Variants in B3GALT1 observed in about 807,000 individuals in gnomAD.
B3GALT1 encodes the protein beta-1,3-galactosyltransferase 1.
A neutral mutation model predicts 23.2 loss-of-function variants in B3GALT1; 10 were observed. That is an observed-to-expected ratio of 0.43 (90% CI 0.27 to 0.73). B3GALT1 has a LOEUF of 0.73. Among genes scored for constraint, B3GALT1 ranks in the 30% least tolerant of loss-of-function variants. B3GALT1 has a pLI of 0.21. For synonymous variants in B3GALT1, 156 were observed against 141.5 expected, an observed-to-expected ratio of 1.10 and a Z score of -0.73; for missense variants, 299 against 405.4, an observed-to-expected ratio of 0.74 and a Z score of 2.25.
chr2:167,379,940 G>GC (rs1202044358), intron 1 of B3GALT1, among the ~76,000 whole-genome samples: 1 of 152,198 alleles, frequency 6.6e-6, no homozygotes, highest in South Asian at 2.1e-4. Flanking sequence ...AGAGGAGAGG[G>GC]CCCCCCTGTA....
chr2:167,361,172 G>A (rs1697493775), intron 1 of B3GALT1, among the ~76,000 whole-genome samples: 1 of 149,562 alleles, frequency 6.7e-6, no homozygotes, highest in Non-Finnish European at 1.5e-5. Context: ...GTAAACATGT[G>A]AGTTCAGATA....
chr2:167,666,198 TC>T (rs1267047171), intron 3 of B3GALT1, among the ~76,000 whole-genome samples: 1 of 152,264 alleles, frequency 6.6e-6, no homozygotes, highest in African/African-American at 2.4e-5. Flanking sequence ...TGCCTTCATT[TC>T]ATTATGTACC....
intron 3 of B3GALT1, among the ~76,000 whole-genome samples, chr2:167,789,494 T>G (rs1228518992): frequency 6.6e-6 from 1 of 152,164 alleles, no homozygotes; most frequent in Non-Finnish European, 1.5e-5. Flanking sequence ...TTTGGCACAC[T>G]CTATGGTTCA....
intron 2 of B3GALT1, among the ~76,000 whole-genome samples, chr2:167,573,699 T>G (rs1299723722): frequency 6.6e-6 from 1 of 151,728 alleles, no homozygotes; most frequent in Non-Finnish European, 1.5e-5. Context: ...TGTACTTAAT[T>G]TTTCACTTAA....
intron 3 of B3GALT1, among the ~76,000 whole-genome samples, chr2:167,774,666 T>A (rs1266374899): frequency 6.6e-6 from 1 of 151,834 alleles, no homozygotes; most frequent in Non-Finnish European, 1.5e-5. Context: ...CCTGGCTAAT[T>A]TTTGTATTTT....
At position 167,532,698 on chromosome 2, in the gene B3GALT1, C is replaced by T. The variant is rs142350174; in HGVS notation, c.-410+42421C>T. 1.0e-3 allele frequency among the ~76,000 whole-genome samples: 156 copies of T among 151,758 alleles called. 2 individuals are homozygous for T. Among genetic ancestry groups the T allele is most frequent in the African/African-American group, 3.6e-3 (150 of 41,350 alleles). ...GTTGAGTGCTTATTTTTAAAGAAAA[C>T]AATGCAACATTTCATTTTTAGGTTT... On this transcript the variant is annotated intron_variant, in intron 2 of 4. Coordinates refer to ENST00000392690, the MANE Select transcript of B3GALT1 (RefSeq NM_020981.4).
At chr2:167,595,623 C>T (rs1209862061) in intron 2 of B3GALT1, among the ~76,000 whole-genome samples, 1 of 152,188 alleles carries the variant, frequency 6.6e-6, no homozygotes, top group East Asian at 1.9e-4. Context: ...TGCCCAATGT[C>T]TTTCACAGAT....
intron 3 of B3GALT1, among the ~76,000 whole-genome samples, chr2:167,804,671 G>C (rs1688712012): frequency 6.6e-6 from 1 of 152,092 alleles, no homozygotes; most frequent in East Asian, 1.9e-4. Context: ...CATTTTTATG[G>C]CTGCATACTA....
intron 3 of B3GALT1, among the ~76,000 whole-genome samples, chr2:167,737,891 G>A (rs1322962731): frequency 6.6e-6 from 1 of 152,154 alleles, no homozygotes; most frequent in Non-Finnish European, 1.5e-5. Context: ...AAAACACTTG[G>A]TGGGAATTTT....
intron 2 of B3GALT1, among the ~76,000 whole-genome samples, chr2:167,575,566 T>A (rs1437745149): frequency 2.0e-5 from 3 of 151,976 alleles, no homozygotes; most frequent in South Asian, 4.1e-4. Flanking sequence ...GTGGATCAAC[T>A]AGCTTTGCTT....
chr2:167,328,062 T>C (rs1169106032), intron 1 of B3GALT1, among the ~76,000 whole-genome samples: 1 of 152,196 alleles, frequency 6.6e-6, no homozygotes, highest in East Asian at 1.9e-4. Context: ...GCCTCCCTGG[T>C]ATAAATCCCA....
At chr2:167,676,239 C>A (rs1329314125) in intron 3 of B3GALT1, among the ~76,000 whole-genome samples, 1 of 152,074 alleles carries the variant, frequency 6.6e-6, no homozygotes, top group Non-Finnish European at 1.5e-5. Context: ...GTGCAACATG[C>A]AAACTCATAA....
intron 2 of B3GALT1, among the ~76,000 whole-genome samples, chr2:167,523,517 C>T (rs1683157514): frequency 1.3e-5 from 2 of 151,938 alleles, no homozygotes; most frequent in East Asian, 1.9e-4. Context: ...CTTCCGCGTC[C>T]CACGTTGAAG....
intron 2 of B3GALT1, among the ~76,000 whole-genome samples, chr2:167,578,614 C>T (rs897997569): frequency 6.6e-6 from 1 of 151,372 alleles, no homozygotes; most frequent in Non-Finnish European, 1.5e-5. Flanking sequence ...TCATCAGAGA[C>T]CAAAGCAACC....
intron 2 of B3GALT1, among the ~76,000 whole-genome samples, chr2:167,609,788 G>T (rs934426721): frequency 6.6e-5 from 10 of 152,072 alleles, no homozygotes; most frequent in African/African-American, 1.9e-4. Context: ...TTGAATTTTT[G>T]CTTCCACATG....
Position 167,612,291 on chromosome 2 carries a change from T to C in B3GALT1, c.-409-34618T>C, listed in dbSNP as rs370742380. Among the ~76,000 whole-genome samples the C allele has an allele frequency of 2.5e-4, 38 of 152,030 alleles. No homozygotes were observed. In the South Asian group the frequency reaches 3.1e-3, roughly 12 times the overall value. On this transcript the variant is annotated intron_variant, in intron 2 of 4. Coordinates refer to ENST00000392690, the MANE Select transcript of B3GALT1 (RefSeq NM_020981.4). Reference sequence around the variant, plus strand: ...CTCTCTTGTGATAGTATGTTTGCAGTAAATGAGACATTAACCTTTTTAAAT... The same window carrying C: ...CTCTCTTGTGATAGTATGTTTGCAGCAAATGAGACATTAACCTTTTTAAAT...
chr2:167,676,550 C>T (rs956901841), intron 3 of B3GALT1, among the ~76,000 whole-genome samples: 1 of 137,626 alleles, frequency 7.3e-6, no homozygotes, highest in African/African-American at 3.4e-5. Context: ...CACACACACA[C>T]ACACATATAT....
intron 3 of B3GALT1, among the ~76,000 whole-genome samples, chr2:167,683,654 G>A (rs761092283): frequency 4.6e-5 from 7 of 152,088 alleles, no homozygotes; most frequent in African/African-American, 1.4e-4. Flanking sequence ...CTGAAAGGTC[G>A]AGGCTGTGGT....
intron 1 of B3GALT1, among the ~76,000 whole-genome samples, chr2:167,424,402 T>C (rs1698592382): frequency 6.6e-6 from 1 of 152,186 alleles, no homozygotes; most frequent in South Asian, 2.1e-4. Flanking sequence ...GAGCATAATA[T>C]ACAAGGAAGC....
Sources: allele counts gnomAD v4.1 joint callset (sites outside exome capture counted in the v4.1 genomes callset), GRCh38; gene constraint gnomAD v4.1.1; transcripts MANE v1.5; gene names NCBI Gene and HGNC (gene_info 2026-07-23, HGNC 2026-07-21).